ADAMTSL1: variants seen among roughly 807,000 people sequenced by gnomAD.
ADAMTSL1 encodes ADAMTS-like protein 1.
In ADAMTSL1, 126 loss-of-function variants were observed where a neutral mutation model predicts 201.8. The observed-to-expected ratio is 0.62, with a 90% confidence interval of 0.54 to 0.72. The LOEUF is 0.72. Ranked by LOEUF, ADAMTSL1 falls within the 30% of genes least tolerant of loss-of-function variation. ADAMTSL1 has a pLI of 0.00. For synonymous variants in ADAMTSL1, 1,121 were observed against 903.4 expected (o/e 1.24, Z -4.32); for missense variants, 2,679 against 2,277.8 (o/e 1.18, Z -3.59).
At chr9:18,399,986 G>C (rs976791977) in intron 2 of ADAMTSL1, among the ~76,000 whole-genome samples, 1 of 152,096 alleles carries the variant, frequency 6.6e-6, no homozygotes, top group African/African-American at 2.4e-5. Context: ...TAGCACTGAG[G>C]TGATAGTGCT....
chr9:18,842,193 C>G (rs1316315175), intron 23 of ADAMTSL1, among the ~76,000 whole-genome samples: 2 of 152,024 alleles, frequency 1.3e-5, no homozygotes, highest in Admixed American at 1.3e-4. Flanking sequence ...AAATTTCCCT[C>G]TAGTCACTGC....
At chr9:17,947,528 T>A (rs530960450) in intron 1 of ADAMTSL1, among the ~76,000 whole-genome samples, 2 of 152,238 alleles carry the variant, frequency 1.3e-5, no homozygotes, top group African/African-American at 4.8e-5. Context: ...CAAAAACAAA[T>A]ACATTTATTT....
chr9:18,310,132 A>G (rs939844256), intron 2 of ADAMTSL1, among the ~76,000 whole-genome samples: 1 of 152,090 alleles, frequency 6.6e-6, no homozygotes, highest in African/African-American at 2.4e-5. Flanking sequence ...CTGGCTAGCC[A>G]TATGCAGAAA....
chr9:18,792,240 T>C (rs762591346), intron 19 of ADAMTSL1, among the ~76,000 whole-genome samples: 1 of 152,162 alleles, frequency 6.6e-6, no homozygotes, highest in Non-Finnish European at 1.5e-5. Context: ...AAAAGAGTCA[T>C]TGGAAATACC....
chr9:18,533,801 C>T lies in ADAMTSL1; in HGVS notation c.237+509C>T, dbSNP rs889127294. ...AGAAAGAAGACAGATGTGCATTGCA[C>T]ATAACCACATTCTAGGAAAAAAATA... On this transcript the variant is annotated intron_variant, in intron 3 of 28. Transcript: ENST00000380548. Among the ~76,000 whole-genome samples the T allele has an allele frequency of 3.9e-5, 6 of 152,136 alleles. 1 individual carries two copies. The East Asian group carries it at 1.2e-3, about 29-fold the overall frequency.
At chr9:18,191,836 C>T (rs1828984039) in intron 2 of ADAMTSL1, among the ~76,000 whole-genome samples, 1 of 152,152 alleles carries the variant, frequency 6.6e-6, no homozygotes, top group African/African-American at 2.4e-5. Flanking sequence ...TATTCTCTCT[C>T]CATTTCATGA....
intron 4 of ADAMTSL1, among the ~76,000 whole-genome samples, chr9:18,604,631 A>C (rs1199993626): frequency 6.6e-6 from 1 of 152,168 alleles, no homozygotes; most frequent in African/African-American, 2.4e-5. Flanking sequence ...TTGTTGTATG[A>C]ATATATAACA....
intron 23 of ADAMTSL1, among the ~76,000 whole-genome samples, chr9:18,830,503 G>C (rs1824906451): frequency 6.6e-6 from 1 of 152,158 alleles, no homozygotes; most frequent in Non-Finnish European, 1.5e-5. Flanking sequence ...GGCAAGTGCT[G>C]AACTAATTTC....
At chr9:18,448,181 C>T (rs1279593212) in intron 2 of ADAMTSL1, among the ~76,000 whole-genome samples, 1 of 152,092 alleles carries the variant, frequency 6.6e-6, no homozygotes, top group Non-Finnish European at 1.5e-5. Flanking sequence ...GTATTTTGTT[C>T]TTTTATGATG....
intron 1 of ADAMTSL1, among the ~76,000 whole-genome samples, chr9:18,001,329 C>A (rs1040495700): frequency 6.6e-6 from 1 of 152,074 alleles, no homozygotes; most frequent in South Asian, 2.1e-4. Context: ...ACTGTCCAAA[C>A]ATATGAATAA....
chr9:17,952,676 C>G (rs1827773536), intron 1 of ADAMTSL1, among the ~76,000 whole-genome samples: 1 of 152,098 alleles, frequency 6.6e-6, no homozygotes, highest in Admixed American at 6.6e-5. Context: ...CCACCACGCC[C>G]AGCTAATTTT....
At chr9:18,888,168 C>T in intron 24 of ADAMTSL1, 125 bp downstream of exon 24, 1 of 1,002,916 alleles carries the variant, frequency 1.0e-6, no homozygotes, top group Non-Finnish European at 1.4e-6. Context: ...AAACCAAAGC[C>T]ATGCCATGTT....
At chr9:18,318,548 G>A (rs1834496777) in intron 2 of ADAMTSL1, among the ~76,000 whole-genome samples, 1 of 152,268 alleles carries the variant, frequency 6.6e-6, no homozygotes, top group South Asian at 2.1e-4. Context: ...AAACATTTTA[G>A]CAACCTGATA....
At position 18,539,556 on chromosome 9, in the gene ADAMTSL1, T is replaced by C. The variant is rs544596872; in HGVS notation, c.237+6264T>C. Among the ~76,000 whole-genome samples the C allele has an allele frequency of 3.3e-5, 5 of 152,328 alleles. No individual in the cohort carries two copies. In the East Asian group the frequency reaches 7.7e-4, roughly 24 times the overall value. ...GGGAAACATATCAAGACTTAACATA[T>C]GTTGAACACTCTTTGAACTATTTGA... On this transcript the variant is annotated intron_variant, in intron 3 of 28. Coordinates refer to ENST00000380548, the MANE Select transcript of ADAMTSL1 (RefSeq NM_001040272.6).
At chr9:18,904,624 AC>A in intron 26 of ADAMTSL1, among the ~76,000 whole-genome samples, 1 of 114,688 alleles carries the variant, frequency 8.7e-6, no homozygotes, top group Admixed American at 9.6e-5. Flanking sequence ...ACAGAAAGAG[AC>A]CCTGCCTCAA....
intron 2 of ADAMTSL1, among the ~76,000 whole-genome samples, chr9:18,231,637 A>G (rs1184759168): frequency 1.3e-5 from 2 of 152,168 alleles, no homozygotes; most frequent in East Asian, 3.9e-4. Context: ...TCTAAAATTT[A>G]ACTCTGCTCT....
chr9:18,325,345 C>G (rs1254392741), intron 2 of ADAMTSL1, among the ~76,000 whole-genome samples: 2 of 152,198 alleles, frequency 1.3e-5, no homozygotes, highest in African/African-American at 4.8e-5. Flanking sequence ...CCCCAAAAGT[C>G]CATCAACAAT....
chr9:18,823,024 C>T (rs1227477597), intron 21 of ADAMTSL1, among the ~76,000 whole-genome samples: 3 of 152,160 alleles, frequency 2.0e-5, no homozygotes, highest in Non-Finnish European at 4.4e-5. Flanking sequence ...ATTCTACATG[C>T]GTAATGTCAG....
chr9:18,123,631 G>T (rs1348101967), intron 1 of ADAMTSL1, among the ~76,000 whole-genome samples: 1 of 152,084 alleles, frequency 6.6e-6, no homozygotes, highest in African/African-American at 2.4e-5. Flanking sequence ...CATATCATAA[G>T]ATTTCCCTAT....
Sources: allele counts gnomAD v4.1 joint callset (sites outside exome capture counted in the v4.1 genomes callset), GRCh38; gene constraint gnomAD v4.1.1; transcripts MANE v1.5; gene names NCBI Gene and HGNC (gene_info 2026-07-23, HGNC 2026-07-21).